DIPK1A: variants seen among roughly 807,000 people sequenced by gnomAD.
DIPK1A encodes the protein divergent protein kinase domain 1A.
In DIPK1A, 27 loss-of-function variants were observed where a neutral mutation model predicts 40.8. That is an observed-to-expected ratio of 0.66 (90% confidence interval 0.49 to 0.91). The LOEUF (loss-of-function observed/expected upper bound fraction) is 0.91. DIPK1A is among the 40% of genes least tolerant of loss of function. The pLI is 0.00. For synonymous variants in DIPK1A, 166 were observed against 171.3 expected (o/e 0.97, Z 0.24); for missense variants, 412 against 505.7 (o/e 0.81, Z 1.78).
intron 3 of DIPK1A, among the ~76,000 whole-genome samples, chr1:92,848,544 T>C (rs1185483691): frequency 6.6e-6 from 1 of 152,220 alleles, no homozygotes; most frequent in Non-Finnish European, 1.5e-5. Flanking sequence ...AGTCTCAGAT[T>C]AGACATTGCA....
At chr1:92,951,155 G>C (rs1014189078) in intron 1 of DIPK1A, among the ~76,000 whole-genome samples, 1 of 152,096 alleles carries the variant, frequency 6.6e-6, no homozygotes, top group East Asian at 1.9e-4. Flanking sequence ...GCAATCATAC[G>C]AGCTCTTAAA....
intron 1 of DIPK1A, among the ~76,000 whole-genome samples, chr1:92,909,552 C>T (rs1029643640): frequency 1.3e-5 from 2 of 152,110 alleles, no homozygotes; most frequent in Non-Finnish European, 2.9e-5. Flanking sequence ...TGCTTCCTGG[C>T]CTCAAGCCCA....
intron 1 of DIPK1A, among the ~76,000 whole-genome samples, chr1:92,929,937 G>A (rs894255600): frequency 1.4e-4 from 22 of 152,164 alleles, no homozygotes; most frequent in African/African-American, 5.3e-4. Context: ...AAGGAAGAAA[G>A]AGTTAAGCCA....
At chr1:92,916,786 T>G (rs928095621) in intron 1 of DIPK1A, among the ~76,000 whole-genome samples, 8 of 152,206 alleles carry the variant, frequency 5.3e-5, no homozygotes, top group African/African-American at 1.9e-4. Flanking sequence ...ATGTAATTAT[T>G]TTGGTCCATG....
At chr1:92,909,297 T>C (rs1399849229) in intron 1 of DIPK1A, among the ~76,000 whole-genome samples, 1 of 152,158 alleles carries the variant, frequency 6.6e-6, no homozygotes, top group African/African-American at 2.4e-5. Flanking sequence ...TACCAACTTA[T>C]ATAAAACACA....
At chr1:92,871,124 T>C (rs1246784364) in intron 2 of DIPK1A, among the ~76,000 whole-genome samples, 4 of 152,192 alleles carry the variant, frequency 2.6e-5, no homozygotes, top group African/African-American at 9.7e-5. Flanking sequence ...TTTTCTTTAC[T>C]TTCTTGCCTT....
At chr1:92,954,856 T>C (rs560190402) in intron 1 of DIPK1A, among the ~76,000 whole-genome samples, 3 of 152,218 alleles carry the variant, frequency 2.0e-5, no homozygotes, top group Admixed American at 2.0e-4. Flanking sequence ...GATGAAAAAC[T>C]GGGGCACTCC....
At chr1:92,833,792 T>TCCTC (rs1687010467) in intron 4 of DIPK1A, 1 of 729,438 alleles carries the variant, frequency 1.4e-6, no homozygotes, top group African/African-American at 1.8e-5. Flanking sequence ...ATTTTTCCTT[T>TCCTC]TAGTAGGTCT....
intron 1 of DIPK1A, among the ~76,000 whole-genome samples, chr1:92,917,225 G>A (rs1361322829): frequency 6.6e-6 from 1 of 152,040 alleles, no homozygotes; most frequent in African/African-American, 2.4e-5. Context: ...ATCTAGACAA[G>A]GCTATATATA....
At chr1:92,914,480 TG>T (rs1649963623) in intron 1 of DIPK1A, among the ~76,000 whole-genome samples, 1 of 151,740 alleles carries the variant, frequency 6.6e-6, no homozygotes, top group Admixed American at 6.6e-5. Context: ...ACATAAGAAG[TG>T]GGCACCGGCC....
rs188498860 is a variant in DIPK1A at position 92,853,687 on chromosome 1, A to G, written c.190-2732T>C. ...AGCTATTATTATTTTACATAGCTGA[A>G]CTTTCTTTCAGTAGGCACCAAATGT... On this transcript the variant is annotated intron_variant, in intron 2 of 4. Coordinates refer to ENST00000370310, the MANE Select transcript of DIPK1A (RefSeq NM_001006605.5). 2.2e-4 allele frequency among the ~76,000 whole-genome samples: 33 copies of G among 152,344 alleles called. No individual in the cohort carries two copies. The East Asian group carries it at 4.2e-3, about 20-fold the overall frequency.
At chr1:92,860,490 TA>T (rs1467393132) in intron 2 of DIPK1A, among the ~76,000 whole-genome samples, 3 of 151,866 alleles carry the variant, frequency 2.0e-5, no homozygotes, top group Non-Finnish European at 2.9e-5. Context: ...ATAGAGCACT[TA>T]AAAAGGCAGA....
intron 1 of DIPK1A, among the ~76,000 whole-genome samples, chr1:92,939,058 G>A (rs1571142401): frequency 6.6e-6 from 1 of 151,934 alleles, no homozygotes; most frequent in Admixed American, 6.6e-5. Flanking sequence ...CCGCCACCAC[G>A]CCTGGCTAAT....
intron 1 of DIPK1A, among the ~76,000 whole-genome samples, chr1:92,896,828 T>A (rs1042350262): frequency 1.3e-4 from 20 of 151,004 alleles, no homozygotes; most frequent in Middle Eastern, 3.4e-3. Flanking sequence ...AACAACCCCA[T>A]CAAAAAGTGG....
In DIPK1A at chr1:92,834,817, C is replaced by T. The variant is rs370284124; in HGVS notation, c.475-1783G>A. The T allele has an allele frequency of 1.2e-4, 186 of 1,612,646 alleles. No homozygotes were observed. The highest frequency in any genetic ancestry group is 1.4e-4 in the Non-Finnish European group (166 of 1,179,886). On this transcript the variant is annotated intron_variant, in intron 4 of 4. Coordinates refer to the DIPK1A transcript ENST00000615519. ...GTATAGAGGGGGATATGATAGTCTG[C>T]GCAGCGTATGCACACGAACTGCCAA...
chr1:92,930,875 A>T (rs1650720156), intron 1 of DIPK1A: 1 of 152,138 alleles, frequency 6.6e-6, no homozygotes, highest in Non-Finnish European at 1.5e-5. Flanking sequence ...ACCAACTAAG[A>T]CTAAGATGGT....
intron 1 of DIPK1A, among the ~76,000 whole-genome samples, chr1:92,920,851 G>C (rs1485516235): frequency 6.6e-6 from 1 of 152,216 alleles, no homozygotes; most frequent in Non-Finnish European, 1.5e-5. Context: ...CCAAACCAAA[G>C]AACTGAGTCT....
chr1:92,899,156 C>T (rs930518056), intron 1 of DIPK1A, among the ~76,000 whole-genome samples: 7 of 152,142 alleles, frequency 4.6e-5, no homozygotes, highest in Non-Finnish European at 8.8e-5. Context: ...AAACCCCCAA[C>T]TTTTATTGTA....
intron 2 of DIPK1A, among the ~76,000 whole-genome samples, chr1:92,855,094 C>A (rs1481933860): frequency 6.6e-6 from 1 of 151,780 alleles, no homozygotes; most frequent in African/African-American, 2.4e-5. Flanking sequence ...AAAAACTGTA[C>A]AATTTTTTTA....
Sources: allele counts gnomAD v4.1 joint callset (sites outside exome capture counted in the v4.1 genomes callset), GRCh38; gene constraint gnomAD v4.1.1; transcripts MANE v1.5; gene names NCBI Gene and HGNC (gene_info 2026-07-23, HGNC 2026-07-21).